The following SULT1A2 variants were observed in gnomAD, a reference collection of about 807,000 sequenced individuals.
The protein encoded by SULT1A2 is sulfotransferase family 1A member 2.
Under a neutral mutation model 36.0 loss-of-function variants are expected in SULT1A2, and 33 were observed. The observed-to-expected ratio is 0.92, with a 90% CI of 0.69 to 1.22. The LOEUF is 1.22. SULT1A2 is among the 50% of genes most tolerant of loss of function. SULT1A2 has a pLI of 0.00. For synonymous variants in SULT1A2, 138 were observed against 144.5 expected (o/e 0.96, Z 0.32); for missense variants, 367 against 383.2 (o/e 0.96, Z 0.35).
intron 1 of SULT1A2, chr16:28,596,529 G>A: frequency 2.4e-6 from 1 of 422,900 alleles, no homozygotes; most frequent in Admixed American, 4.8e-5. Flanking sequence ...CCTGATGTGG[G>A]AATGAGCAAA....
At chr16:28,592,680 G>A (rs542253357) in intron 6 of SULT1A2, among the ~76,000 whole-genome samples, 99 of 152,204 alleles carry the variant, frequency 6.5e-4, no homozygotes, top group Non-Finnish European at 8.7e-4. Context: ...GTCTTCTTCC[G>A]TGCCTGTGGC....
Position 28,593,572 on chromosome 16 carries a change from C to T in SULT1A2, c.373-4G>A. The T allele has an allele frequency of 6.2e-7, 1 of 1,614,084 alleles. No homozygotes were observed. Among genetic ancestry groups the T allele is most frequent in the Non-Finnish European group, 8.5e-7 (1 of 1,179,964 alleles). On this transcript the variant is annotated splice_polypyrimidine_tract_variant and splice_region_variant and intron_variant, in intron 4 of 7. Coordinates refer to ENST00000335715, the MANE Select transcript of SULT1A2 (RefSeq NM_001054.4). ...CGTTGCGGGCAACATAGACCACCTG[C>T]AGGGGCAGAAGACTCAACCCCAGCA...
chr16:28,596,281 C>A (rs1036037217), intron 1 of SULT1A2: 2 of 1,231,794 alleles, frequency 1.6e-6, no homozygotes, highest in Non-Finnish European at 2.0e-6. Context: ...CCTCTAGGAC[C>A]TTCCTGTGCT....
chr16:28,596,682 A>AT (rs1377981515), intron 1 of SULT1A2: 2 of 206,478 alleles, frequency 9.7e-6, no homozygotes, highest in African/African-American at 4.8e-5. Context: ...TTTTAAAAAT[A>AT]TTTTTTAAAA....
At chr16:28,596,372 G>C (rs374585182) in intron 1 of SULT1A2, 13 of 1,114,026 alleles carry the variant, frequency 1.2e-5, no homozygotes, top group Non-Finnish European at 1.4e-5. Flanking sequence ...TCCTCTCCCC[G>C]ATGTTCCCCT....
chr16:28,594,110 G>C lies in SULT1A2; in HGVS notation c.373-542C>G, dbSNP rs375742162. On this transcript the variant is annotated intron_variant, in intron 4 of 7. Transcript: ENST00000335715. ...TGTTGTGGTTTTTTTTTTTTTTTGG[G>C]GGGGGGGACTCTAGGTCTCAAAAAA... is the stretch of plus-strand genomic sequence containing the variant. 6.0e-3 allele frequency among the ~76,000 whole-genome samples: 888 copies of C among 148,808 alleles called. 11 individuals are homozygous for C. Among genetic ancestry groups the C allele is most frequent in the African/African-American group, 0.021 (860 of 40,680 alleles).
In SULT1A2 at chr16:28,593,580, G is replaced by A. The variant is rs1472843325; in HGVS notation, c.373-12C>T. On this transcript the variant is annotated splice_polypyrimidine_tract_variant and intron_variant, in intron 4 of 7. Coordinates refer to ENST00000335715, the MANE Select transcript of SULT1A2 (RefSeq NM_001054.4). ...GCAACATAGACCACCTGCAGGGGCA[G>A]AAGACTCAACCCCAGCACCATCACC... The A allele has an allele frequency of 2.5e-6, 4 of 1,613,894 alleles. No homozygotes were observed. The highest frequency in any genetic ancestry group is 3.4e-6 in the Non-Finnish European group (4 of 1,179,950).
intron 1 of SULT1A2, 30 bp downstream of exon 1, chr16:28,596,967 C>T (rs1258323842): frequency 8.9e-6 from 11 of 1,234,790 alleles, no homozygotes; most frequent in Non-Finnish European, 1.2e-5. Context: ...AGGGTGAGGG[C>T]GTCCTGGGCC....
Position 28,595,764 on chromosome 16 carries a change from G to T in SULT1A2, c.148+19C>A, listed in dbSNP as rs572078702. On this transcript the variant is annotated intron_variant, in intron 2 of 7. Transcript: ENST00000335715. ...GGGGACTGCCACCTGGGAGAGGGTGGGTGGCCCTCCTCACCTACCGGACTT... is the reference window on the plus strand; with the variant it reads ...GGGGACTGCCACCTGGGAGAGGGTGTGTGGCCCTCCTCACCTACCGGACTT... 1.2e-6 allele frequency: 2 copies of T among 1,612,368 alleles called. No homozygotes were observed. The highest frequency in any genetic ancestry group is 4.5e-5 in the East Asian group (2 of 44,844).
chr16:28,594,141 A>G (rs1014357603), intron 4 of SULT1A2, among the ~76,000 whole-genome samples: 5 of 148,986 alleles, frequency 3.4e-5, no homozygotes, highest in African/African-American at 1.2e-4. Context: ...AAAAAAAGAG[A>G]AAAGAGAAAA....
intron 1 of SULT1A2, 161 bp downstream of exon 1, chr16:28,596,836 A>T: frequency 2.3e-6 from 1 of 425,864 alleles, no homozygotes; most frequent in South Asian, 2.3e-5. Context: ...CCCCGGAAAA[A>T]AAAAAAAGGA....
At chr16:28,592,940 A>AG (rs750859547) in intron 6 of SULT1A2, among the ~76,000 whole-genome samples, 7 of 152,114 alleles carry the variant, frequency 4.6e-5, no homozygotes, top group South Asian at 2.1e-4. Context: ...TGAACCTGGG[A>AG]GGGGGGGTTA....
chr16:28,593,211 C>T, intron 6 of SULT1A2, 41 bp downstream of exon 6: 1 of 1,611,554 alleles, frequency 6.2e-7, no homozygotes, highest in Non-Finnish European at 8.5e-7. Flanking sequence ...AGTGCCTGCC[C>T]CCAGGTGTCA....
intron 1 of SULT1A2, chr16:28,596,351 A>G (rs140740935): frequency 0.012 from 13,882 of 1,128,800 alleles, 106 homozygotes; most frequent in Non-Finnish European, 0.014. Context: ...CCCAGCCTCC[A>G]CCCAGTAGGC....
Position 28,595,936 on chromosome 16 carries a change from T to C in SULT1A2, c.-4-2A>G, listed in dbSNP as rs371864637. 61 of 1,602,574 alleles carry C rather than the reference T, an allele frequency of 3.8e-5. No homozygotes were observed. The African/African-American group carries it at 8.2e-4, about 21-fold the overall frequency. On this transcript the variant is annotated splice_acceptor_variant, in intron 1 of 7. Transcript: ENST00000335715. LOFTEE classifies it low-confidence loss of function (5UTR_SPLICE). ...ATGTCCTGGATCAGCTCCATGTTCC[T>C]GCGTCAGGGGCCAGAGCCAGGCCCG...
rs1396076198 is a variant in SULT1A2 at position 28,592,295 on chromosome 16, A to G, written c.743T>C (p.Met248Thr). 6.2e-6 allele frequency: 10 copies of G among 1,613,962 alleles called. No individual in the cohort carries two copies. In the South Asian group the frequency reaches 8.8e-5, roughly 14 times the overall value. Residue 248 changes from methionine to threonine, a missense_variant, in exon 7 of 8, where the codon ATG becomes ACG. Physicochemically the swap from Met to Thr is moderately conservative, Grantham distance 81. Transcript: ENST00000335715. ...TNYTTVRREFMDHSISPFMRK... is the reference protein window; with the variant it reads ...TNYTTVRREFTDHSISPFMRK... The stretch of plus-strand genomic sequence containing the variant: ...CATGAAGGGGGAGATGCTGTGGTCC[A>G]TGAACTCCCGGCGGACGGTGGTGTA...
At chr16:28,593,903 G>A (rs2047028233) in intron 4 of SULT1A2, among the ~76,000 whole-genome samples, 2 of 152,022 alleles carry the variant, frequency 1.3e-5, no homozygotes, top group Admixed American at 6.6e-5. Context: ...AGGTCTACCC[G>A]GAAGAGTCTC....
chr16:28,595,805 G>T lies in SULT1A2; in HGVS notation c.126C>A (p.Leu42=), dbSNP rs1315708345. The T allele has an allele frequency of 6.2e-7, 1 of 1,612,688 alleles. No individual in the cohort carries two copies. The highest frequency in any genetic ancestry group is 2.2e-5 in the East Asian group (1 of 44,856). The part of the protein sequence containing the change: ...QSFQARPDDL[L]ISTYPKSGTT... ...TACCGGACTTGGGGTAGGTGCTGAT[G>T]AGCAGGTCATCAGGCCGGGCCTGGA... Residue 42 remains leucine (L), a synonymous_variant, in exon 2 of 8, where the codon CTC becomes CTA. Coordinates refer to ENST00000335715, the MANE Select transcript of SULT1A2 (RefSeq NM_001054.4).
chr16:28,592,413 C>A lies in SULT1A2; in HGVS notation c.625G>T (p.Glu209Ter). The change falls in exon 7 of 8, where the codon GAG (glutamate) becomes TAG (stop). Residue 209 changes from glutamate to a stop codon, truncating the protein, a stop_gained. Transcript: ENST00000335715. LOFTEE classifies it high-confidence loss of function. ...TCTGGCAGGGAGCGCCCCACAAACTCCAGGATCTTTTGAATCTCCCTTTTG... is the reference window on the plus strand; with the variant it reads ...TCTGGCAGGGAGCGCCCCACAAACTACAGGATCTTTTGAATCTCCCTTTTG... The part of the protein sequence containing the change: ...NPKREIQKIL[E>*]FVGRSLPEET... The A allele has an allele frequency of 6.2e-7, 1 of 1,614,120 alleles. No homozygotes were observed. Among genetic ancestry groups the A allele is most frequent in the Non-Finnish European group, 8.5e-7 (1 of 1,180,014 alleles).
Sources: gnomAD v4.1 joint callset for allele counts (sites outside exome capture counted in the v4.1 genomes callset) on GRCh38, gnomAD v4.1.1 for gene constraint, MANE v1.5 for transcripts, NCBI Gene and HGNC (gene_info 2026-07-23, HGNC 2026-07-21) for gene names.